The following DNAH14 variants were observed in gnomAD, a reference collection of about 807,000 sequenced individuals.
The protein encoded by DNAH14 is dynein axonemal heavy chain 14, also known as axonemal beta dynein heavy chain 14.
A neutral mutation model predicts 520.9 loss-of-function variants in DNAH14; 478 were observed. The ratio of observed to expected loss-of-function variants is 0.92; its 90% CI spans 0.85 to 0.99. The LOEUF is 0.99. Ranked by LOEUF, DNAH14 falls within the 50% of genes least tolerant of loss-of-function variation. The pLI is 0.00. For missense variants in DNAH14, 4,831 were observed against 5,234.5 expected, an observed-to-expected ratio of 0.92 and a Z score of 2.38; for synonymous variants, 1,581 against 1,757.2, an observed-to-expected ratio of 0.90 and a Z score of 2.51.
At chr1:225,278,604 T>C (rs1055953208) in intron 54 of DNAH14, among the ~76,000 whole-genome samples, 2 of 152,226 alleles carry the variant, frequency 1.3e-5, no homozygotes, top group African/African-American at 4.8e-5. Flanking sequence ...TCATTTATAA[T>C]CATCTGTCTC....
intron 21 of DNAH14, among the ~76,000 whole-genome samples, chr1:225,089,480 GA>G (rs2074166922): frequency 8.4e-6 from 1 of 118,948 alleles, no homozygotes; most frequent in African/African-American, 3.3e-5. Context: ...GCGAGAGAAA[GA>G]AAAGAAAAGA....
chr1:225,364,400 T>C (rs1246166780), intron 75 of DNAH14, among the ~76,000 whole-genome samples: 1 of 152,162 alleles, frequency 6.6e-6, no homozygotes, highest in Non-Finnish European at 1.5e-5. Flanking sequence ...TTCCCTCTAT[T>C]TATTTATTTA....
chr1:225,020,780 A>G (rs922047656), intron 10 of DNAH14, among the ~76,000 whole-genome samples: 1 of 152,196 alleles, frequency 6.6e-6, no homozygotes, highest in Admixed American at 6.5e-5. Flanking sequence ...TCCAAAAATC[A>G]AGGAGGAAGG....
chr1:225,066,348 A>G (rs2070881701), intron 17 of DNAH14, among the ~76,000 whole-genome samples: 1 of 149,274 alleles, frequency 6.7e-6, no homozygotes, highest in South Asian at 2.1e-4. Flanking sequence ...ATGTAATCCT[A>G]TTCATCTCAT....
At chr1:225,221,450 C>T (rs192601886) in intron 41 of DNAH14, among the ~76,000 whole-genome samples, 2 of 152,066 alleles carry the variant, frequency 1.3e-5, no homozygotes, top group African/African-American at 2.4e-5. Context: ...GGAACTTAAA[C>T]AAATTTACAA....
chr1:225,094,571 T>A (rs1220482900), intron 21 of DNAH14, among the ~76,000 whole-genome samples: 2 of 149,882 alleles, frequency 1.3e-5, no homozygotes, highest in Non-Finnish European at 3.0e-5. Flanking sequence ...AGGCAAAGAT[T>A]TCATAACAAA....
At chr1:225,018,073 G>T (rs1347327221) in intron 10 of DNAH14, among the ~76,000 whole-genome samples, 1 of 152,114 alleles carries the variant, frequency 6.6e-6, no homozygotes, top group African/African-American at 2.4e-5. Flanking sequence ...CGTTGAAATT[G>T]CTGTAATGTC....
At chr1:225,301,534 C>T (rs2094139345) in intron 56 of DNAH14, among the ~76,000 whole-genome samples, 2 of 152,126 alleles carry the variant, frequency 1.3e-5, no homozygotes, top group Non-Finnish European at 1.5e-5. Flanking sequence ...TGTGAACAAA[C>T]TGGTTTGATG....
intron 55 of DNAH14, among the ~76,000 whole-genome samples, chr1:225,297,642 C>T (rs1372523749): frequency 6.6e-6 from 1 of 152,156 alleles, no homozygotes; most frequent in African/African-American, 2.4e-5. Context: ...ATGCTGGTGA[C>T]ATTTGCAAAT....
intron 73 of DNAH14, among the ~76,000 whole-genome samples, chr1:225,357,483 C>T (rs185088941): frequency 1.1e-3 from 168 of 152,258 alleles, no homozygotes; most frequent in African/African-American, 3.9e-3. Context: ...ATCGGGGAAA[C>T]ACCTAATCAT....
intron 41 of DNAH14, among the ~76,000 whole-genome samples, chr1:225,216,235 C>G (rs1427103272): frequency 6.6e-6 from 1 of 152,228 alleles, no homozygotes; most frequent in East Asian, 1.9e-4. Flanking sequence ...CCACTCTCTT[C>G]TGGCTTGTAG....
chr1:225,044,730 T>A (rs2067791848), intron 15 of DNAH14, among the ~76,000 whole-genome samples: 1 of 152,180 alleles, frequency 6.6e-6, no homozygotes. Context: ...CATAAGAACA[T>A]GGGTTTGTTT....
At chr1:225,217,730 C>T (rs113156630) in intron 41 of DNAH14, among the ~76,000 whole-genome samples, 6,697 of 152,260 alleles carry the variant, frequency 0.044, 246 homozygotes, top group Non-Finnish European at 0.066. Flanking sequence ...CCTGGTGTGC[C>T]ATTTGCTAAG....
chr1:224,930,473 TGTGTTTGTG>T (rs1225110653), intron 1 of DNAH14, among the ~76,000 whole-genome samples: 2 of 152,328 alleles, frequency 1.3e-5, no homozygotes, highest in East Asian at 3.9e-4. Context: ...CAAGGCATTA[TGTGTTTGTG>T]GTGATGCTAT....
intron 17 of DNAH14, among the ~76,000 whole-genome samples, chr1:225,061,458 T>C (rs1265640416): frequency 6.6e-6 from 1 of 152,174 alleles, no homozygotes; most frequent in Non-Finnish European, 1.5e-5. Context: ...CCCCTTGCGC[T>C]TCCTGGGTGA....
chr1:225,230,149 C>T (rs1264643931), intron 41 of DNAH14, among the ~76,000 whole-genome samples: 1 of 151,966 alleles, frequency 6.6e-6, no homozygotes, highest in African/African-American at 2.4e-5. Flanking sequence ...AAGATTTATG[C>T]ACAAGGAGGT....
intron 52 of DNAH14, among the ~76,000 whole-genome samples, chr1:225,273,363 G>A (rs533073502): frequency 3.3e-5 from 5 of 152,330 alleles, no homozygotes; most frequent in East Asian, 1.9e-4. Context: ...CCCGGGAGGC[G>A]GAGCTTGCAG....
chr1:224,975,248 AT>A (rs2125653939), intron 8 of DNAH14, among the ~76,000 whole-genome samples: 1 of 152,320 alleles, frequency 6.6e-6, no homozygotes, highest in Non-Finnish European at 1.5e-5. Context: ...CATAAAATGA[AT>A]TAGGGAGGAT....
rs1289488632 is a variant in DNAH14, at chr1:225,307,540, C to T, written c.9085C>T (p.Leu3029Phe). 6.5e-7 allele frequency: 1 copy of T among 1,547,108 alleles called. No homozygotes were observed. The highest frequency in any genetic ancestry group is 8.7e-7 in the Non-Finnish European group (1 of 1,145,640). ...AGAAATGCAAGAAGAGCTCTTGATT[C>T]TTGGCCCTCAAGTAGAACAAAAAAC... ...VTEMQEELLI[L>F]GPQVEQKTKE... The change falls in exon 59 of 86, where the codon CTT (leucine) becomes TTT (phenylalanine). Residue 3029 changes from leucine (L) to phenylalanine (F), a missense_variant. Transcript: ENST00000682510.
Sources: gnomAD v4.1 joint callset for allele counts (sites outside exome capture counted in the v4.1 genomes callset) on GRCh38, gnomAD v4.1.1 for gene constraint, MANE v1.5 for transcripts, NCBI Gene and HGNC (gene_info 2026-07-23, HGNC 2026-07-21) for gene names.